DOCK5: variants seen among roughly 807,000 people sequenced by gnomAD.
DOCK5 encodes dedicator of cytokinesis protein 5.
In DOCK5, 142 loss-of-function variants were observed where a neutral mutation model predicts 251.8. The ratio of observed to expected loss-of-function variants is 0.56; its 90% CI spans 0.49 to 0.65. The LOEUF (loss-of-function observed/expected upper bound fraction) is 0.65, where lower values mean the gene tolerates loss of function less well. Ranked by LOEUF, DOCK5 falls within the 30% of genes least tolerant of loss-of-function variation. DOCK5 has a pLI of 0.00. For missense variants in DOCK5, 2,111 were observed against 2,312.3 expected, an observed-to-expected ratio of 0.91 and a Z score of 1.79; for synonymous variants, 842 against 835.5, an observed-to-expected ratio of 1.01 and a Z score of -0.13.
rs1193281355 is a variant in DOCK5 at position 25,341,018 on chromosome 8, T to C, written c.2439+30T>C. 13 of 1,555,114 alleles carry C rather than the reference T, an allele frequency of 8.4e-6. 1 individual carries two copies. Among genetic ancestry groups the C allele is most frequent in the Non-Finnish European group, 1.1e-5 (13 of 1,135,752 alleles). On this transcript the variant is annotated intron_variant, in intron 23 of 51. Transcript: ENST00000276440. Reference sequence around the variant, plus strand: ...GCCTGGCAGCATCATGGGTAACTCTTCTTAGGCTGTGGTAAGGATGTTCTG... The same window carrying C: ...GCCTGGCAGCATCATGGGTAACTCTCCTTAGGCTGTGGTAAGGATGTTCTG...
intron 30 of DOCK5, among the ~76,000 whole-genome samples, chr8:25,366,573 G>A (rs1294757472): frequency 6.6e-6 from 1 of 152,134 alleles, no homozygotes; most frequent in Non-Finnish European, 1.5e-5. Flanking sequence ...AAACTTTTAG[G>A]ACTTTTGAAA....
chr8:25,411,159 G>A (rs1563236401), intron 51 of DOCK5, 35 bp from the exon 52 acceptor site: 2 of 1,505,102 alleles, frequency 1.3e-6, no homozygotes, highest in Admixed American at 4.8e-5. Flanking sequence ...AGAAAGCTAA[G>A]ACCTGCTTCT....
intron 18 of DOCK5, among the ~76,000 whole-genome samples, chr8:25,328,908 A>G (rs1805622937): frequency 6.6e-6 from 1 of 152,202 alleles, no homozygotes; most frequent in African/African-American, 2.4e-5. Flanking sequence ...CAGCTTATTG[A>G]TCAGAAAATT....
At chr8:25,394,359 T>G (rs1297145894) in intron 44 of DOCK5, among the ~76,000 whole-genome samples, 4 of 152,322 alleles carry the variant, frequency 2.6e-5, no homozygotes, top group South Asian at 2.1e-4. Context: ...TACTTTTTTT[T>G]TTTTTGAAAC....
chr8:25,364,407 G>A (rs113003619), intron 29 of DOCK5, among the ~76,000 whole-genome samples: 121 of 152,242 alleles, frequency 7.9e-4, no homozygotes, highest in African/African-American at 2.8e-3. Flanking sequence ...ACCTAAATTG[G>A]GATGTGGCCC....
chr8:25,314,895 C>T (rs1461550802), intron 13 of DOCK5, among the ~76,000 whole-genome samples: 2 of 150,690 alleles, frequency 1.3e-5, no homozygotes, highest in East Asian at 2.0e-4. Flanking sequence ...ACTCTCAAGT[C>T]TCTCTCTCCC....
intron 1 of DOCK5, among the ~76,000 whole-genome samples, chr8:25,194,957 G>C (rs1261811957): frequency 6.6e-6 from 1 of 151,574 alleles, no homozygotes; most frequent in Non-Finnish European, 1.5e-5. Flanking sequence ...GTCTCGCTCT[G>C]TCGCCCAGAC....
intron 18 of DOCK5, among the ~76,000 whole-genome samples, chr8:25,327,098 A>G (rs577670848): frequency 1.3e-5 from 2 of 152,176 alleles, no homozygotes; most frequent in Non-Finnish European, 2.9e-5. Flanking sequence ...TTGTCTTTCA[A>G]ATGGGAGCAA....
In DOCK5 at chr8:25,412,679, A is replaced by G. The variant is rs1439192907; in HGVS notation, c.*1381A>G. The G allele has an allele frequency of 6.6e-6, 1 of 152,206 alleles. No individual in the cohort carries two copies. The highest frequency in any genetic ancestry group is 1.5e-5 in the Non-Finnish European group (1 of 68,054). 9.4% of individuals were successfully genotyped at this position (152,206 alleles called of 1,614,324 possible). A position where few individuals can be genotyped will look rare whatever the true frequency, so the allele number is the denominator to read the frequency against. ...TGAAGGCAGAGGTCAGCACTGGGGG[A>G]AACTTGCTGGTGGTCTCTCCCACAA... On this transcript the variant is annotated 3_prime_UTR_variant, in exon 52 of 52. Transcript: ENST00000276440.
At chr8:25,243,591 A>T in intron 1 of DOCK5, 83 bp from the exon 2 acceptor site, 1 of 1,317,028 alleles carries the variant, frequency 7.6e-7, no homozygotes, top group Non-Finnish European at 1.1e-6. Context: ...ACCCTCTCAA[A>T]GTGCTGAGAT....
intron 26 of DOCK5, among the ~76,000 whole-genome samples, chr8:25,346,389 C>G (rs1169459836): frequency 6.6e-6 from 1 of 152,162 alleles, no homozygotes; most frequent in Non-Finnish European, 1.5e-5. Flanking sequence ...CCTCTGATGC[C>G]TAACAACCTG....
intron 40 of DOCK5, among the ~76,000 whole-genome samples, chr8:25,386,020 G>A (rs562288157): frequency 6.6e-6 from 1 of 152,334 alleles, no homozygotes; most frequent in East Asian, 1.9e-4. Flanking sequence ...ACAAGAGGGT[G>A]TATAGGAGAA....
intron 2 of DOCK5, among the ~76,000 whole-genome samples, chr8:25,256,532 G>A (rs1484408103): frequency 1.3e-5 from 2 of 151,800 alleles, no homozygotes; most frequent in Non-Finnish European, 1.5e-5. Context: ...CTAACTACTT[G>A]GGAGACTGAG....
intron 6 of DOCK5, among the ~76,000 whole-genome samples, chr8:25,293,985 T>C (rs1402310336): frequency 1.3e-5 from 2 of 152,100 alleles, no homozygotes; most frequent in African/African-American, 2.4e-5. Context: ...GCCTGGGTGA[T>C]AGAGTGAGAA....
chr8:25,377,169 G>A, intron 37 of DOCK5, 136 bp from the exon 38 acceptor site: 1 of 1,201,036 alleles, frequency 8.3e-7, no homozygotes, highest in East Asian at 2.7e-5. Context: ...GTATATGTGT[G>A]TATATGTAAC....
chr8:25,384,943 A>T (rs568505689), intron 40 of DOCK5, among the ~76,000 whole-genome samples: 307 of 152,110 alleles, frequency 2.0e-3, no homozygotes, highest in African/African-American at 7.2e-3. Context: ...AAAATAAAAT[A>T]AAAAAAATCA....
At chr8:25,397,494 T>C (rs1309575712) in intron 45 of DOCK5, among the ~76,000 whole-genome samples, 1 of 152,250 alleles carries the variant, frequency 6.6e-6, no homozygotes, top group Non-Finnish European at 1.5e-5. Context: ...GTAGCCTTAT[T>C]ATACTCAGCA....
intron 51 of DOCK5, among the ~76,000 whole-genome samples, chr8:25,410,895 G>A (rs1469454286): frequency 1.4e-5 from 2 of 146,212 alleles, no homozygotes; most frequent in African/African-American, 5.0e-5. Context: ...CTATACGCCA[G>A]GAACCCAAGT....
At chr8:25,250,847 T>C (rs1325391357) in intron 2 of DOCK5, among the ~76,000 whole-genome samples, 1 of 152,158 alleles carries the variant, frequency 6.6e-6, no homozygotes, top group South Asian at 2.1e-4. Context: ...AAGACTATTG[T>C]AGGTTGGTAG....
Sources: gnomAD v4.1 joint callset for allele counts (sites outside exome capture counted in the v4.1 genomes callset) on GRCh38, gnomAD v4.1.1 for gene constraint, MANE v1.5 for transcripts, NCBI Gene and HGNC (gene_info 2026-07-23, HGNC 2026-07-21) for gene names.